Variants in DGKB observed in about 807,000 individuals in gnomAD.
DGKB encodes 90 kDa diacylglycerol kinase.
DGKB carries 67 observed loss-of-function variants against 114.3 expected under a neutral mutation model. The observed-to-expected ratio is 0.59, with a 90% CI of 0.48 to 0.72. The LOEUF (loss-of-function observed/expected upper bound fraction) is 0.72, where lower values mean the gene tolerates loss of function less well. Among genes scored for constraint, DGKB ranks in the 30% least tolerant of loss-of-function variants. The pLI is 0.00. For synonymous variants in DGKB, 398 were observed against 323.1 expected, an observed-to-expected ratio of 1.23 and a Z score of -2.49; for missense variants, 907 against 975.2, an observed-to-expected ratio of 0.93 and a Z score of 0.93.
intron 23 of DGKB, among the ~76,000 whole-genome samples, chr7:14,220,164 A>G (rs1789693176): frequency 1.3e-5 from 2 of 151,650 alleles, no homozygotes; most frequent in Non-Finnish European, 3.0e-5. Context: ...ACTGTAACAC[A>G]ATTGTAGGTA....
chr7:14,927,771 T>C (rs1169922274), intron 1 of DGKB, among the ~76,000 whole-genome samples: 1 of 152,082 alleles, frequency 6.6e-6, no homozygotes, highest in East Asian at 1.9e-4. Context: ...CAAAAGAATA[T>C]TTCAAAACAT....
chr7:14,409,376 A>G (rs1048708195), intron 21 of DGKB, among the ~76,000 whole-genome samples: 3 of 152,116 alleles, frequency 2.0e-5, no homozygotes, highest in Non-Finnish European at 2.9e-5. Context: ...AGGATGCTTG[A>G]TGTGTTCCTG....
intron 23 of DGKB, among the ~76,000 whole-genome samples, chr7:14,284,224 AG>A (rs1404015716): frequency 2.0e-5 from 3 of 149,906 alleles, no homozygotes; most frequent in Admixed American, 6.6e-5. Flanking sequence ...ACTTCTCAAA[AG>A]AAGACACTTA....
intron 23 of DGKB, among the ~76,000 whole-genome samples, chr7:14,188,083 C>T (rs957923912): frequency 2.6e-5 from 4 of 151,880 alleles, no homozygotes; most frequent in African/African-American, 9.7e-5. Flanking sequence ...ACAGCTTCAA[C>T]AACAGACAAG....
chr7:14,555,585 C>T (rs552749947), intron 20 of DGKB, among the ~76,000 whole-genome samples: 3 of 152,226 alleles, frequency 2.0e-5, no homozygotes, highest in Admixed American at 6.5e-5. Flanking sequence ...ACCAGAGCAA[C>T]TCCATCTAGA....
rs563429865 is a variant in DGKB, at chr7:14,783,805, C to T, written c.71-26074G>A. ...AGAACAGGCCTTGATAGATTCAATG[C>T]TTTCCTGATGGCTTCTAAAGTAGAG... On this transcript the variant is annotated intron_variant, in intron 2 of 25. Transcript: ENST00000402815. Among the ~76,000 whole-genome samples, 11 of 152,300 alleles carry T rather than the reference C, an allele frequency of 7.2e-5. No homozygotes were observed. In the South Asian group the frequency reaches 1.7e-3, roughly 23 times the overall value.
intron 19 of DGKB, among the ~76,000 whole-genome samples, chr7:14,575,538 C>T (rs1418294996): frequency 6.6e-6 from 1 of 152,134 alleles, no homozygotes; most frequent in Non-Finnish European, 1.5e-5. Context: ...CCTGTAAAAA[C>T]CTTAGGGTTC....
intron 2 of DGKB, among the ~76,000 whole-genome samples, chr7:14,771,329 C>T (rs1435267446): frequency 1.3e-5 from 2 of 152,008 alleles, no homozygotes; most frequent in Admixed American, 6.6e-5. Context: ...CTCCCTGTAC[C>T]CGGTAACAGA....
intron 23 of DGKB, among the ~76,000 whole-genome samples, chr7:14,320,041 T>A (rs1807438036): frequency 6.6e-6 from 1 of 152,176 alleles, no homozygotes; most frequent in South Asian, 2.1e-4. Context: ...ACTGCTGGAA[T>A]AGCAGCCCTT....
chr7:14,217,826 T>A (rs1243290158), intron 23 of DGKB, among the ~76,000 whole-genome samples: 1 of 152,104 alleles, frequency 6.6e-6, no homozygotes, highest in African/African-American at 2.4e-5. Context: ...TCAAGACAGG[T>A]GACTCTCCAT....
chr7:14,827,790 T>A (rs570116419), intron 2 of DGKB, among the ~76,000 whole-genome samples: 12 of 152,250 alleles, frequency 7.9e-5, no homozygotes, highest in Middle Eastern at 3.4e-3. Flanking sequence ...TAGACAATGA[T>A]GCATAAGTAG....
intron 13 of DGKB, among the ~76,000 whole-genome samples, chr7:14,636,423 C>T (rs930866811): frequency 1.3e-5 from 2 of 151,630 alleles, no homozygotes; most frequent in African/African-American, 2.4e-5. Context: ...AAGAGGGTAG[C>T]GATAAAGAGT....
At chr7:14,607,530 GA>G (rs747303797) in intron 16 of DGKB, 22 bp from the exon 17 acceptor site, 1 of 1,190,058 alleles carries the variant, frequency 8.4e-7, no homozygotes, top group Middle Eastern at 2.0e-4. Flanking sequence ...AAAATGTGGG[GA>G]AAAAATTTAA....
chr7:14,962,798 C>A (rs1003664888), intron 1 of DGKB, among the ~76,000 whole-genome samples: 2 of 152,058 alleles, frequency 1.3e-5, no homozygotes, highest in African/African-American at 2.4e-5. Context: ...ATTAAACATA[C>A]AATGTCACAG....
At chr7:14,211,194 A>C (rs532241519) in intron 23 of DGKB, among the ~76,000 whole-genome samples, 1 of 152,192 alleles carries the variant, frequency 6.6e-6, no homozygotes, top group Admixed American at 6.6e-5. Flanking sequence ...ACGCTGCTAA[A>C]ATCAAAGGGC....
intron 23 of DGKB, among the ~76,000 whole-genome samples, chr7:14,292,305 G>C (rs1162322890): frequency 6.6e-6 from 1 of 151,958 alleles, no homozygotes; most frequent in African/African-American, 2.4e-5. Flanking sequence ...TTGCAAAATG[G>C]CGCTGCATGG....
intron 20 of DGKB, among the ~76,000 whole-genome samples, chr7:14,555,665 C>A (rs746816881): frequency 1.3e-5 from 2 of 152,048 alleles, no homozygotes; most frequent in Non-Finnish European, 2.9e-5. Flanking sequence ...AATTCTAAGT[C>A]ACAGAATGAG....
In DGKB at chr7:14,502,292, G is replaced by A. The variant is rs1786313970; in HGVS notation, c.1771-24067C>T. On this transcript the variant is annotated intron_variant, in intron 20 of 25. Transcript: ENST00000402815. ...GAAGCCTTCTCCTGGAGAGAGAGAA[G>A]TCAGGTAGAACCAAGGTACTAGGCA... is the stretch of plus-strand genomic sequence containing the variant. Among the ~76,000 whole-genome samples the A allele has an allele frequency of 2.0e-5, 3 of 152,118 alleles. No individual in the cohort carries two copies. In the South Asian group the frequency reaches 6.2e-4, roughly 32 times the overall value.
chr7:14,591,400 T>G (rs904071850), intron 17 of DGKB, among the ~76,000 whole-genome samples: 2 of 152,142 alleles, frequency 1.3e-5, no homozygotes, highest in African/African-American at 4.8e-5. Flanking sequence ...TCAAATGATG[T>G]ATGAAGAAAA....
Sources: allele counts gnomAD v4.1 joint callset (sites outside exome capture counted in the v4.1 genomes callset), GRCh38; gene constraint gnomAD v4.1.1; transcripts MANE v1.5; gene names NCBI Gene and HGNC (gene_info 2026-07-23, HGNC 2026-07-21).